Variants in TMCO6 observed in about 807,000 individuals in gnomAD.
The protein encoded by TMCO6 is transmembrane and coiled-coil domain-containing protein 6.
In TMCO6, 47 loss-of-function variants were observed where a neutral mutation model predicts 61.8. That is an observed-to-expected ratio of 0.76 (90% CI 0.60 to 0.97). The LOEUF (loss-of-function observed/expected upper bound fraction) is 0.97, where lower values mean the gene tolerates loss of function less well. Among genes scored for constraint, TMCO6 ranks in the 50% least tolerant of loss-of-function variants. The pLI, the probability that TMCO6 is intolerant of heterozygous loss-of-function variation, is 0.00. For synonymous variants in TMCO6, 261 were observed against 254.2 expected, an observed-to-expected ratio of 1.03 and a Z score of -0.25; for missense variants, 557 against 601.6, an observed-to-expected ratio of 0.93 and a Z score of 0.78.
At chr5:140,606,350 A>C in the TMCO6 span, among the ~76,000 whole-genome samples, 1 of 151,526 alleles carries the variant, frequency 6.6e-6, no homozygotes, top group Non-Finnish European at 1.5e-5. Context: ...GGGTCTGTCT[A>C]TGTTGCCCAG....
the TMCO6 span, among the ~76,000 whole-genome samples, chr5:140,627,260 G>T: frequency 6.6e-6 from 1 of 151,850 alleles, no homozygotes; most frequent in African/African-American, 2.4e-5. Context: ...TATGTACCAG[G>T]TGTGGAGCCT....
the TMCO6 span, chr5:140,633,325 A>AG: frequency 1.6e-6 from 1 of 610,398 alleles, no homozygotes; most frequent in Admixed American, 2.7e-5. Context: ...TGTTTCAGGG[A>AG]GGGGGACCGT....
the TMCO6 span, among the ~76,000 whole-genome samples, chr5:140,629,611 A>G: frequency 6.6e-6 from 1 of 152,024 alleles, no homozygotes; most frequent in Non-Finnish European, 1.5e-5. Context: ...AAAATCCAAA[A>G]CTTCTGGTCT....
upstream of TMCO6, among the ~76,000 whole-genome samples, chr5:140,637,765 C>T (rs1054836339): frequency 3.3e-5 from 5 of 152,152 alleles, no homozygotes; most frequent in African/African-American, 4.8e-5. Context: ...CCCAGACATT[C>T]CTTTCTATTG....
At chr5:140,631,236 C>T in the TMCO6 span, among the ~76,000 whole-genome samples, 1 of 152,086 alleles carries the variant, frequency 6.6e-6, no homozygotes, top group Admixed American at 6.5e-5. Flanking sequence ...AAGAGAGGAA[C>T]CCTAATATTA....
chr5:140,647,507 C>T, downstream of TMCO6: 1 of 1,612,506 alleles, frequency 6.2e-7, no homozygotes, highest in Non-Finnish European at 8.5e-7. Flanking sequence ...GCCGGGCGAG[C>T]GCTGACATAA....
chr5:140,639,582 C>G lies in TMCO6; in HGVS notation c.55C>G (p.Leu19Val). 1 of 1,544,996 alleles carries G rather than the reference C, an allele frequency of 6.5e-7. No homozygotes were observed. Among genetic ancestry groups the G allele is most frequent in the Non-Finnish European group, 8.7e-7 (1 of 1,144,218 alleles). Residue 19 changes from leucine (L) to valine (V), a missense_variant, in exon 1 of 12, where the codon CTA (leucine) becomes GTA (valine). Transcript: ENST00000394671. The stretch of plus-strand genomic sequence containing the variant: ...GCCCACGGTCTGCGGGGTGGAGGAG[C>G]TACGGCGCCGCCGGCGGGAGCGGGA... ...LRPTVCGVEELRRRRREREAA... is the reference protein window; with the variant it reads ...LRPTVCGVEEVRRRRREREAA...
the TMCO6 span, among the ~76,000 whole-genome samples, chr5:140,606,661 T>G: frequency 6.6e-6 from 1 of 152,176 alleles, no homozygotes; most frequent in Non-Finnish European, 1.5e-5. Context: ...GTGTGGTGGC[T>G]CACGCCTGTA....
At chr5:140,602,407 G>A in the TMCO6 span, among the ~76,000 whole-genome samples, 1 of 152,158 alleles carries the variant, frequency 6.6e-6, no homozygotes, top group Non-Finnish European at 1.5e-5. Flanking sequence ...ACTGTTTACA[G>A]TTTCATTTCG....
chr5:140,633,174 G>A, the TMCO6 span: 1 of 1,463,700 alleles, frequency 6.8e-7, no homozygotes, highest in Non-Finnish European at 9.4e-7. Context: ...CTTCACACTT[G>A]TGAACTCTTC....
At chr5:140,628,588 A>G in the TMCO6 span, among the ~76,000 whole-genome samples, 1 of 152,062 alleles carries the variant, frequency 6.6e-6, no homozygotes, top group Non-Finnish European at 1.5e-5. Context: ...ACAGGAGCAC[A>G]CCACCACATC....
At chr5:140,613,777 T>C in the TMCO6 span, among the ~76,000 whole-genome samples, 2 of 152,146 alleles carry the variant, frequency 1.3e-5, no homozygotes, top group African/African-American at 4.8e-5. Flanking sequence ...CATAGTTCAT[T>C]GCTCATTGTA....
At position 140,641,246 on chromosome 5, in the gene TMCO6, T is replaced by C. The variant is rs530654441; in HGVS notation, c.199-419T>C. On this transcript the variant is annotated intron_variant, in intron 2 of 11. Transcript: ENST00000394671. ...GTATCCAGGCAGAAGAAATAGCATG[T>C]GCAAAAGCTCGGAAATGTAAAAAAA... The C allele has an allele frequency of 2.5e-5, 4 of 161,388 alleles. No individual in the cohort carries two copies. The South Asian group carries it at 6.8e-4, about 27-fold the overall frequency. The allele number at this position is 161,388 out of a possible 1,614,324, so 10.0% of individuals were successfully genotyped here. A position where few individuals can be genotyped will look rare whatever the true frequency, so the allele number is the denominator to read the frequency against.
At chr5:140,606,517 T>C in the TMCO6 span, among the ~76,000 whole-genome samples, 1 of 152,212 alleles carries the variant, frequency 6.6e-6, no homozygotes, top group Non-Finnish European at 1.5e-5. Context: ...ATGCTCTAAT[T>C]TTTAATTTTA....
chr5:140,640,696 C>T (rs1418447017), intron 2 of TMCO6, among the ~76,000 whole-genome samples: 1 of 152,192 alleles, frequency 6.6e-6, no homozygotes, highest in Admixed American at 6.5e-5. Flanking sequence ...TGTGCCCGGC[C>T]ACCTACTTGT....
chr5:140,632,848 A>G, the TMCO6 span: 2 of 1,614,086 alleles, frequency 1.2e-6, no homozygotes, highest in Admixed American at 1.7e-5. The surrounding 1 kb of genome is among the most constrained non-coding windows in gnomAD (Gnocchi z 6.2). Context: ...AAGGCTTCGG[A>G]CCAGTCGGGC....
the TMCO6 span, chr5:140,632,551 A>G: frequency 6.8e-6 from 11 of 1,614,138 alleles, no homozygotes; most frequent in South Asian, 1.2e-4. The surrounding 1 kb of genome is among the most constrained non-coding windows in gnomAD (Gnocchi z 6.2). Context: ...CGCAAGCTGG[A>G]AAGTGCAAGT....
chr5:140,625,011 G>C, the TMCO6 span, among the ~76,000 whole-genome samples: 1 of 151,712 alleles, frequency 6.6e-6, no homozygotes, highest in South Asian at 2.1e-4. Context: ...TTGGCACCGC[G>C]CCTGGCTAAT....
the TMCO6 span, among the ~76,000 whole-genome samples, chr5:140,610,919 G>A: frequency 5.3e-5 from 8 of 151,952 alleles, no homozygotes; most frequent in African/African-American, 9.7e-5. Context: ...GTGTTTTTTC[G>A]TGAGAGGTGT....
Sources: allele counts gnomAD v4.1 joint callset (sites outside exome capture counted in the v4.1 genomes callset), GRCh38; gene constraint gnomAD v4.1.1; non-coding constraint Gnocchi (gnomAD v3.1); transcripts MANE v1.5; gene names NCBI Gene and HGNC (gene_info 2026-07-23, HGNC 2026-07-21).